The following PRPF38A variants were observed in gnomAD, a reference collection of about 807,000 sequenced individuals.
PRPF38A encodes pre-mRNA processing factor 38A.
Under a neutral mutation model 46.8 loss-of-function variants are expected in PRPF38A, and 11 were observed. The ratio of observed to expected loss-of-function variants is 0.24; its 90% CI spans 0.15 to 0.39. The LOEUF (loss-of-function observed/expected upper bound fraction) is 0.39. Among genes scored for constraint, PRPF38A ranks in the 10% least tolerant of loss-of-function variants. PRPF38A has a pLI of 1.00. For synonymous variants in PRPF38A, 124 were observed against 136.2 expected, an observed-to-expected ratio of 0.91 and a Z score of 0.62; for missense variants, 261 against 407.5, an observed-to-expected ratio of 0.64 and a Z score of 3.10.
In PRPF38A at chr1:52,418,709, A is replaced by C. The variant is rs947273226; in HGVS notation, c.*2019A>C. On this transcript the variant is annotated 3_prime_UTR_variant, in exon 10 of 10. Transcript: ENST00000257181. ...TTTGATAAAATTACACAGGAGATGG[A>C]GCTTGAGGACAAACCTTGCTGTAAG... 6.6e-6 allele frequency: 1 copy of C among 152,206 alleles called. No individual in the cohort carries two copies. Among genetic ancestry groups the C allele is most frequent in the South Asian group, 2.1e-4 (1 of 4,830 alleles). 9.4% of individuals were successfully genotyped at this position (152,206 alleles called of 1,614,324 possible).
intron 4 of PRPF38A, among the ~76,000 whole-genome samples, chr1:52,412,108 C>T (rs536024250): frequency 2.0e-5 from 3 of 152,294 alleles, no homozygotes; most frequent in South Asian, 2.1e-4. Context: ...CAACAGCTCC[C>T]GAGATCCTGG....
intron 3 of PRPF38A, chr1:52,409,420 C>T (rs531663929): frequency 2.6e-5 from 4 of 152,318 alleles, no homozygotes; most frequent in African/African-American, 4.8e-5. Context: ...AGACCAGCCT[C>T]GTCAGTATGG....
rs199861924 is a variant in PRPF38A, at chr1:52,411,213, A to G, written c.498+13A>G. 3.7e-4 allele frequency: 590 copies of G among 1,592,886 alleles called. 1 individual carries two copies. The highest frequency in any genetic ancestry group is 4.7e-4 in the Non-Finnish European group (542 of 1,161,820). On this transcript the variant is annotated intron_variant, in intron 4 of 9. Coordinates refer to ENST00000257181, the MANE Select transcript of PRPF38A (RefSeq NM_032864.4). ...GCCCCGACTACAGGTAAGAAATAAA[A>G]GTCTGTTACCAGAGTCACCCTTCTC...
At chr1:52,413,432 G>A (rs373125598) in intron 5 of PRPF38A, among the ~76,000 whole-genome samples, 1 of 151,794 alleles carries the variant, frequency 6.6e-6, no homozygotes, top group Non-Finnish European at 1.5e-5. Flanking sequence ...TTTGAGATAG[G>A]GTCTTGCTCT....
At chr1:52,405,495 G>A (rs1647955484) in intron 1 of PRPF38A, among the ~76,000 whole-genome samples, 185 bp from the exon 2 acceptor site, 1 of 152,122 alleles carries the variant, frequency 6.6e-6, no homozygotes. Flanking sequence ...AGCTTAGCAG[G>A]GTACCTATTT....
chr1:52,411,576 G>C (rs1382014627), intron 4 of PRPF38A, among the ~76,000 whole-genome samples: 1 of 152,118 alleles, frequency 6.6e-6, no homozygotes, highest in African/African-American at 2.4e-5. Context: ...AGCTAGAGTA[G>C]GTAGGGAGTT....
Position 52,419,442 on chromosome 1 carries a change from C to T in PRPF38A, c.*2752C>T, listed in dbSNP as rs1490860534. On this transcript the variant is annotated 3_prime_UTR_variant, in exon 10 of 10. Coordinates refer to ENST00000257181, the MANE Select transcript of PRPF38A (RefSeq NM_032864.4). ...CCCAACTTCAAGCTCATTCCTCTAA[C>T]CTCTTCCTGTTTGTTATTCTTCAGT... 6.6e-6 allele frequency: 1 copy of T among 151,210 alleles called. No homozygotes were observed. The highest frequency in any genetic ancestry group is 1.5e-5 in the Non-Finnish European group (1 of 67,938). 9.4% of individuals were successfully genotyped at this position (151,210 alleles called of 1,614,324 possible).
chr1:52,409,946 C>G (rs1187747379), intron 3 of PRPF38A, among the ~76,000 whole-genome samples: 1 of 151,446 alleles, frequency 6.6e-6, no homozygotes, highest in Non-Finnish European at 1.5e-5. Flanking sequence ...GCAAAATTGC[C>G]CATGGTTGAG....
rs1266645291 is a variant in PRPF38A at position 52,420,384 on chromosome 1, C to T, written c.*3694C>T. The T allele has an allele frequency of 6.6e-6, 1 of 152,096 alleles. No homozygotes were observed. Among genetic ancestry groups the T allele is most frequent in the East Asian group, 1.9e-4 (1 of 5,198 alleles). The allele number at this position is 152,096 out of a possible 1,614,324, so 9.4% of individuals were successfully genotyped here. ...ATTATAAAGTCAAATATTATGAACA[C>T]TGTCTATATAGAAATAACAAGTAGA... On this transcript the variant is annotated 3_prime_UTR_variant, in exon 10 of 10. Coordinates refer to ENST00000257181, the MANE Select transcript of PRPF38A (RefSeq NM_032864.4).
intron 3 of PRPF38A, among the ~76,000 whole-genome samples, chr1:52,410,867 G>A (rs542392630): frequency 2.2e-4 from 34 of 152,268 alleles, no homozygotes; most frequent in African/African-American, 8.2e-4. Context: ...AAACATTGAA[G>A]GTTCAGATGA....
intron 8 of PRPF38A, 98 bp downstream of exon 8, chr1:52,414,957 C>A: frequency 9.3e-7 from 1 of 1,077,960 alleles, no homozygotes; most frequent in Non-Finnish European, 1.4e-6. Context: ...ACTGTACTGC[C>A]TAACAGAAAA....
In PRPF38A at chr1:52,416,946, T is replaced by C; in HGVS notation, c.*256T>C. On this transcript the variant is annotated 3_prime_UTR_variant, in exon 10 of 10. Coordinates refer to ENST00000257181, the MANE Select transcript of PRPF38A (RefSeq NM_032864.4). The stretch of plus-strand genomic sequence containing the variant: ...GTATAAAGGATCTGGAGGTTGGGGA[T>C]ATGACTGACAAGGAAAGGCTGTGGC... The C allele has an allele frequency of 2.2e-6, 1 of 447,004 alleles. No homozygotes were observed. The highest frequency in any genetic ancestry group is 4.1e-6 in the Non-Finnish European group (1 of 245,424). 27.7% of individuals were successfully genotyped at this position (447,004 alleles called of 1,614,324 possible).
chr1:52,411,610 T>A (rs1252290259), intron 4 of PRPF38A, among the ~76,000 whole-genome samples: 2 of 152,134 alleles, frequency 1.3e-5, no homozygotes, highest in Non-Finnish European at 2.9e-5. Context: ...ACGTTTTTTT[T>A]AAACTAATCT....
chr1:52,404,932 T>C (rs540824842), intron 1 of PRPF38A, 53 bp downstream of exon 1: 1 of 1,598,084 alleles, frequency 6.3e-7, no homozygotes, highest in African/African-American at 1.3e-5. Context: ...CCATTTCTCC[T>C]GACCGAGCGC....
chr1:52,408,815 T>A, intron 3 of PRPF38A, 125 bp downstream of exon 3: 1 of 1,230,442 alleles, frequency 8.1e-7, no homozygotes, highest in Non-Finnish European at 1.1e-6. Flanking sequence ...TTACTGTCTC[T>A]ATGCAGGTTT....
intron 5 of PRPF38A, among the ~76,000 whole-genome samples, chr1:52,413,556 T>G (rs1012507230): frequency 3.9e-5 from 6 of 152,106 alleles, no homozygotes; most frequent in African/African-American, 1.4e-4. Flanking sequence ...CCAGCATACC[T>G]GGCTAATTTG....
chr1:52,405,795 C>T lies in PRPF38A; in HGVS notation c.246C>T (p.Pro82=), dbSNP rs891539845. ...CCTTGAAGATGCTTCAAATTCAACC[C>T]GAGAAGGATATCATTGTAGAGTTTA... The part of the protein sequence containing the change: ...CLTLKMLQIQ[P]EKDIIVEFIK... Residue 82 remains proline, a synonymous_variant, in exon 2 of 10, where the codon CCC becomes CCT. Coordinates refer to ENST00000257181, the MANE Select transcript of PRPF38A (RefSeq NM_032864.4). 2 of 1,613,952 alleles carry T rather than the reference C, an allele frequency of 1.2e-6. No individual in the cohort carries two copies. The highest frequency in any genetic ancestry group is 2.2e-5 in the South Asian group (2 of 91,084).
intron 2 of PRPF38A, among the ~76,000 whole-genome samples, chr1:52,407,856 G>A (rs1424237688): frequency 2.0e-5 from 3 of 152,252 alleles, no homozygotes; most frequent in Non-Finnish European, 4.4e-5. Flanking sequence ...AGGAGTTTGA[G>A]ACTAGCCTGG....
chr1:52,417,738 T>C lies in PRPF38A; in HGVS notation c.*1048T>C, dbSNP rs1008109826. 1 of 151,560 alleles carries C rather than the reference T, an allele frequency of 6.6e-6. No homozygotes were observed. Among genetic ancestry groups the C allele is most frequent in the African/African-American group, 2.4e-5 (1 of 41,100 alleles). 9.4% of individuals were successfully genotyped at this position (151,560 alleles called of 1,614,324 possible). A position where few individuals can be genotyped will look rare whatever the true frequency, so the allele number is the denominator to read the frequency against. On this transcript the variant is annotated 3_prime_UTR_variant, in exon 10 of 10. Coordinates refer to ENST00000257181, the MANE Select transcript of PRPF38A (RefSeq NM_032864.4). ...AATCTGTCAATAAGACTTCCCAGAGTGTTAATATATATCAGAAATGCACAC... is the reference window on the plus strand; with the variant it reads ...AATCTGTCAATAAGACTTCCCAGAGCGTTAATATATATCAGAAATGCACAC...
Sources: allele counts gnomAD v4.1 joint callset (sites outside exome capture counted in the v4.1 genomes callset), GRCh38; gene constraint gnomAD v4.1.1; transcripts MANE v1.5; gene names NCBI Gene and HGNC (gene_info 2026-07-23, HGNC 2026-07-21).